The following PPM1A variants were observed in gnomAD, a reference collection of about 807,000 sequenced individuals.
PPM1A encodes the protein protein phosphatase, Mg2+/Mn2+ dependent 1A, also known as protein phosphatase 1A.
Under a neutral mutation model 35.0 loss-of-function variants are expected in PPM1A, and 7 were observed. The ratio of observed to expected loss-of-function variants is 0.20; its 90% CI spans 0.11 to 0.38. PPM1A has a LOEUF of 0.38. PPM1A is among the 10% of genes least tolerant of loss of function. The pLI is 1.00. For synonymous variants in PPM1A, 153 were observed against 167.3 expected (o/e 0.91, Z 0.66); for missense variants, 239 against 467.8 (o/e 0.51, Z 4.51).
chr14:60,296,801 C>T lies in PPM1A; in HGVS notation c.*4319C>T. 1 of 327,982 alleles carries T rather than the reference C, an allele frequency of 3.0e-6. No homozygotes were observed. The highest frequency in any genetic ancestry group is 4.0e-5 in the East Asian group (1 of 25,070). 20.3% of individuals were successfully genotyped at this position (327,982 alleles called of 1,614,324 possible). Reference sequence around the variant, plus strand: ...TGTTATTACTGATAGTCAAAATGCTCAATAGAAATGATGAGAGGCATTGGT... The same window carrying T: ...TGTTATTACTGATAGTCAAAATGCTTAATAGAAATGATGAGAGGCATTGGT... On this transcript the variant is annotated 3_prime_UTR_variant, in exon 6 of 6. Coordinates refer to ENST00000395076, the MANE Select transcript of PPM1A (RefSeq NM_021003.5). The surrounding 1 kb of genome is among the most constrained non-coding windows in gnomAD (Gnocchi z 4.4).
intron 1 of PPM1A, among the ~76,000 whole-genome samples, chr14:60,270,291 A>G (rs966217165): frequency 6.6e-6 from 1 of 151,872 alleles, no homozygotes; most frequent in Non-Finnish European, 1.5e-5. Context: ...TACTTTTTAT[A>G]TTCTGGTTTC....
At chr14:60,261,518 A>T (rs778313364) in intron 1 of PPM1A, among the ~76,000 whole-genome samples, 32 of 152,114 alleles carry the variant, frequency 2.1e-4, no homozygotes, top group Non-Finnish European at 3.2e-4. Context: ...GACCATAATC[A>T]TGTGTTCTCT....
chr14:60,254,792 A>G (rs569103449), intron 1 of PPM1A, among the ~76,000 whole-genome samples: 2 of 152,194 alleles, frequency 1.3e-5, no homozygotes, highest in East Asian at 1.9e-4. Flanking sequence ...TTTCTAAACT[A>G]TGGTTTTTCA....
chr14:60,265,212 TTCTTC>T (rs1884232138), intron 1 of PPM1A, among the ~76,000 whole-genome samples: 1 of 152,198 alleles, frequency 6.6e-6, no homozygotes, highest in East Asian at 1.9e-4. Flanking sequence ...AGATCTATAT[TTCTTC>T]TCACTGGACA....
chr14:60,267,260 T>A (rs1030082645), intron 1 of PPM1A: 6 of 152,146 alleles, frequency 3.9e-5, no homozygotes, highest in Non-Finnish European at 7.4e-5. Flanking sequence ...CTGGGAATTG[T>A]TCTAGTACTG....
At position 60,285,608 on chromosome 14, in the gene PPM1A, A is replaced by ATTC; in HGVS notation, c.835-14_835-13insCTT. The ATTC allele has an allele frequency of 6.2e-7, 1 of 1,610,748 alleles. No homozygotes were observed. The highest frequency in any genetic ancestry group is 8.5e-7 in the Non-Finnish European group (1 of 1,178,560). ...AAAAAGAAAACTAAAATATTCTCAA[A>ATTC]TTTTTTTCTTCCCAGGGAAGTCGAG... On this transcript the variant is annotated splice_polypyrimidine_tract_variant and intron_variant, in intron 2 of 5. Coordinates refer to ENST00000395076, the MANE Select transcript of PPM1A (RefSeq NM_021003.5).
intron 4 of PPM1A, 118 bp from the exon 5 acceptor site, chr14:60,291,279 C>T (rs1887604007): frequency 1.5e-6 from 1 of 651,098 alleles, no homozygotes; most frequent in Admixed American, 3.5e-5. Flanking sequence ...AGAAATAGAA[C>T]TAAAATAATA....
chr14:60,260,600 A>C (rs1327069428), intron 1 of PPM1A, among the ~76,000 whole-genome samples: 1 of 152,110 alleles, frequency 6.6e-6, no homozygotes, highest in Non-Finnish European at 1.5e-5. Context: ...GTATATTCAG[A>C]CTTATGCAAC....
At chr14:60,248,591 A>C (rs1881947717), upstream of PPM1A, 1 of 147,678 alleles carries the variant, frequency 6.8e-6, no homozygotes. Context: ...AAGGCTCTGG[A>C]GGAGTGGGAC....
upstream of PPM1A, chr14:60,246,171 T>A: frequency 1.1e-6 from 1 of 903,248 alleles, no homozygotes; most frequent in South Asian, 1.9e-5. Flanking sequence ...CCTGAGGGGG[T>A]CATTTACATT....
intron 1 of PPM1A, among the ~76,000 whole-genome samples, chr14:60,269,971 G>C (rs1487725335): frequency 6.6e-6 from 1 of 152,180 alleles, no homozygotes; most frequent in Non-Finnish European, 1.5e-5. Context: ...CAATCACCAA[G>C]TTCAGTCTTT....
Position 60,256,280 on chromosome 14 carries a change from G to A in PPM1A, c.-21+6603G>A, listed in dbSNP as rs144085624. On this transcript the variant is annotated intron_variant, in intron 1 of 5. Transcript: ENST00000395076. ...CTAAAATACAAAAAATTAGCCAGGC[G>A]TGGTGGCACGGGCATGGTGGCCACC... Among the ~76,000 whole-genome samples, 8 of 137,560 alleles carry A rather than the reference G, an allele frequency of 5.8e-5. No individual in the cohort carries two copies. The South Asian group carries it at 1.2e-3, about 21-fold the overall frequency. The allele number at this position is 137,560 out of a possible 152,430, so 90.2% of individuals were successfully genotyped here. A position where few individuals can be genotyped will look rare whatever the true frequency, so the allele number is the denominator to read the frequency against.
intron 1 of PPM1A, among the ~76,000 whole-genome samples, chr14:60,257,532 G>A (rs940830445): frequency 2.6e-5 from 4 of 152,048 alleles, no homozygotes; most frequent in African/African-American, 9.7e-5. Context: ...CCTCAGGGAG[G>A]GATGTAAGTA....
chr14:60,252,634 A>C (rs1882574759), intron 1 of PPM1A, among the ~76,000 whole-genome samples: 1 of 152,172 alleles, frequency 6.6e-6, no homozygotes, highest in African/African-American at 2.4e-5. Context: ...CAAATTTTAA[A>C]ATTAAGTTGT....
In PPM1A at chr14:60,249,978, C is replaced by G. The variant is rs568974563; in HGVS notation, c.-21+301C>G. ...CGGCCGAGATGGGTGTTTGTGGCGG[C>G]GAAGCAGGCGACGGCCGCAGGCCGG... On this transcript the variant is annotated intron_variant, in intron 1 of 5. Coordinates refer to ENST00000395076, the MANE Select transcript of PPM1A (RefSeq NM_021003.5). The surrounding 1 kb of genome is among the most constrained non-coding windows in gnomAD (Gnocchi z 4.5). 6.6e-6 allele frequency among the ~76,000 whole-genome samples: 1 copy of G among 151,292 alleles called. No homozygotes were observed. Among genetic ancestry groups the G allele is most frequent in the Non-Finnish European group, 1.5e-5 (1 of 67,686 alleles).
intron 1 of PPM1A, among the ~76,000 whole-genome samples, chr14:60,253,559 C>G (rs187043918): frequency 2.0e-5 from 3 of 152,102 alleles, no homozygotes; most frequent in East Asian, 1.9e-4. Context: ...TTAACACTTA[C>G]GATTCATAGA....
At position 60,293,206 on chromosome 14, in the gene PPM1A, T is replaced by C. The variant is rs927442522; in HGVS notation, c.*724T>C. 6.6e-6 allele frequency: 1 copy of C among 152,038 alleles called. No individual in the cohort carries two copies. The highest frequency in any genetic ancestry group is 2.4e-5 in the African/African-American group (1 of 41,422). 9.4% of individuals were successfully genotyped at this position (152,038 alleles called of 1,614,324 possible). ...TTGCACCTCTTTTCAAGTCCTTACA[T>C]TTAATTACTAATTGATAAGCAGCAG... On this transcript the variant is annotated 3_prime_UTR_variant, in exon 6 of 6. Coordinates refer to ENST00000395076, the MANE Select transcript of PPM1A (RefSeq NM_021003.5). The surrounding 1 kb of genome is among the most constrained non-coding windows in gnomAD (Gnocchi z 4.0).
chr14:60,255,656 T>C (rs1363544959), intron 1 of PPM1A, among the ~76,000 whole-genome samples: 1 of 152,194 alleles, frequency 6.6e-6, no homozygotes, highest in Non-Finnish European at 1.5e-5. Context: ...GTGATTGTTG[T>C]AGGAGGAGGT....
intron 1 of PPM1A, among the ~76,000 whole-genome samples, chr14:60,277,649 A>G (rs1205567251): frequency 1.3e-5 from 2 of 152,180 alleles, no homozygotes; most frequent in African/African-American, 4.8e-5. Context: ...GTACTTCTTT[A>G]TAAAAGTGAG....
Sources: gnomAD v4.1 joint callset for allele counts (sites outside exome capture counted in the v4.1 genomes callset) on GRCh38, gnomAD v4.1.1 for gene constraint, Gnocchi (gnomAD v3.1) non-coding constraint, MANE v1.5 for transcripts, NCBI Gene and HGNC (gene_info 2026-07-23, HGNC 2026-07-21) for gene names.